EPS8L2: variants seen among roughly 807,000 people sequenced by gnomAD.
EPS8L2 encodes the protein EPS8 signaling adaptor L2, also known as epidermal growth factor receptor kinase substrate 8-like protein 2.
EPS8L2 carries 81 observed loss-of-function variants against 99.4 expected under a neutral mutation model. The ratio of observed to expected loss-of-function variants is 0.82; its 90% CI spans 0.68 to 0.98. The LOEUF is 0.98. Among genes scored for constraint, EPS8L2 ranks in the 50% least tolerant of loss-of-function variants. EPS8L2 has a pLI of 0.00. For missense variants in EPS8L2, 1,155 were observed against 968.8 expected, an observed-to-expected ratio of 1.19 and a Z score of -2.55; for synonymous variants, 509 against 407.3, an observed-to-expected ratio of 1.25 and a Z score of -3.01.
At chr11:721,878 G>T in intron 10 of EPS8L2, 25 bp from the exon 11 acceptor site, 2 of 1,568,154 alleles carry the variant, frequency 1.3e-6, no homozygotes, top group Admixed American at 1.9e-5. Flanking sequence ...GGCCAGCCTG[G>T]CTCACGCGGT....
intron 4 of EPS8L2, among the ~76,000 whole-genome samples, chr11:716,521 T>C (rs1372820400): frequency 1.3e-5 from 2 of 152,150 alleles, no homozygotes; most frequent in Non-Finnish European, 2.9e-5. Flanking sequence ...CCTCCCAAAG[T>C]GCTGGGATTA....
intron 4 of EPS8L2, among the ~76,000 whole-genome samples, chr11:710,697 C>A (rs1861863891): frequency 6.6e-6 from 1 of 152,222 alleles, no homozygotes; most frequent in Non-Finnish European, 1.5e-5. Flanking sequence ...CCACTGCACT[C>A]CAGCCTGGGC....
Position 724,858 on chromosome 11 carries a change from G to A in EPS8L2, c.1560+29G>A, listed in dbSNP as rs750194169. The A allele has an allele frequency of 6.5e-7, 1 of 1,530,872 alleles. No individual in the cohort carries two copies. The highest frequency in any genetic ancestry group is 9.0e-7 in the Non-Finnish European group (1 of 1,106,178). The allele number at this position is 1,530,872 out of a possible 1,614,324, so 94.8% of individuals were successfully genotyped here. The stretch of plus-strand genomic sequence containing the variant: ...AGGGGCTGGAGGACGGGGTCCAAGA[G>A]GGGGAAACAGGGCAGGGCTTCAAGG... On this transcript the variant is annotated intron_variant, in intron 16 of 20. Transcript: ENST00000318562. This position sits in a 1 kb window ranked among gnomAD's most constrained non-coding sequence, Gnocchi z 5.5.
At position 723,232 on chromosome 11, in the gene EPS8L2, TC is replaced by T; in HGVS notation, c.1342-5del. 1 of 1,573,272 alleles carries T rather than the reference TC, an allele frequency of 6.4e-7. No homozygotes were observed. The highest frequency in any genetic ancestry group is 8.6e-7 in the Non-Finnish European group (1 of 1,156,570). On this transcript the variant is annotated splice_polypyrimidine_tract_variant and splice_region_variant and intron_variant, in intron 14 of 20. Transcript: ENST00000318562. ...CATGTCTAACTCAGGTCGCCCACCT[TC>T]CCCACAGGTGAGTCCAGTGAGCCGA...
Position 720,833 on chromosome 11 carries a change from G to A in EPS8L2, c.481G>A (p.Glu161Lys). 3.2e-6 allele frequency: 5 copies of A among 1,543,002 alleles called. No homozygotes were observed. The highest frequency in any genetic ancestry group is 4.4e-6 in the Non-Finnish European group (5 of 1,146,294). ...HFFHCDEVEA[E>K]LVHEDIESAL... ...CGCCTGACGCCCGCTTTCCCAGGCA[G>A]AGCTGGTGCACGAGGACATCGAGAG... is the stretch of plus-strand genomic sequence containing the variant. The change falls in exon 7 of 21, where the codon GAG becomes AAG. Residue 161 changes from glutamate to lysine, a missense_variant. Transcript: ENST00000318562.
chr11:709,918 C>G, intron 3 of EPS8L2: 1 of 486,938 alleles, frequency 2.1e-6, no homozygotes. Context: ...GGTGTCTGCT[C>G]CAGGAGGGGG....
chr11:706,315 C>T (rs1259699116), intron 1 of EPS8L2, 27 bp downstream of exon 1: 1 of 152,044 alleles, frequency 6.6e-6, no homozygotes, highest in Non-Finnish European at 1.5e-5. Flanking sequence ...CGGGGGAGCG[C>T]GCCCGCCCGG....
intron 4 of EPS8L2, among the ~76,000 whole-genome samples, chr11:711,906 C>G (rs1278061617): frequency 5.3e-5 from 8 of 151,990 alleles, no homozygotes; most frequent in African/African-American, 1.9e-4. Context: ...TCACTGGAAC[C>G]CAGGAGGCGG....
Position 713,394 on chromosome 11 carries a change from G to T in EPS8L2, c.165+2908G>T, listed in dbSNP as rs145975494. On this transcript the variant is annotated intron_variant, in intron 4 of 20. Transcript: ENST00000318562. ...ATCACCACAGTTTCTGTTTGTTTGT[G>T]TGTTTGAGACGGAGTCTCGCTCTGT... Among the ~76,000 whole-genome samples, 624 of 152,270 alleles carry T rather than the reference G, an allele frequency of 4.1e-3. 3 individuals carry two copies. Among genetic ancestry groups the T allele is most frequent in the African/African-American group, 0.014 (574 of 41,552 alleles).
At chr11:709,668 G>A in intron 3 of EPS8L2, 60 bp downstream of exon 3, 1 of 1,575,896 alleles carries the variant, frequency 6.3e-7, no homozygotes, top group Non-Finnish European at 8.6e-7. Flanking sequence ...CTGCATCCAG[G>A]TGGGGGACAG....
At chr11:722,256 C>T in intron 12 of EPS8L2, 91 bp downstream of exon 12, 1 of 1,544,248 alleles carries the variant, frequency 6.5e-7, no homozygotes, top group East Asian at 2.3e-5. Flanking sequence ...GCAGCAGGTG[C>T]CCGCCTTGGG....
chr11:715,106 A>G (rs547571444), intron 4 of EPS8L2, among the ~76,000 whole-genome samples: 16 of 152,056 alleles, frequency 1.1e-4, no homozygotes, highest in East Asian at 2.0e-4. Context: ...GCCAGGTGGG[A>G]TGGCGGGTGC....
intron 4 of EPS8L2, among the ~76,000 whole-genome samples, chr11:719,794 A>T (rs1438448302): frequency 6.6e-6 from 1 of 152,144 alleles, no homozygotes; most frequent in Non-Finnish European, 1.5e-5. Context: ...AGCCTGCACC[A>T]GGAGGTGGGC....
rs1022643706 is a variant in EPS8L2, at chr11:720,631, A to G, written c.362A>G (p.Gln121Arg). Residue 121 changes from glutamine (Q) to arginine (R), a missense_variant, in exon 6 of 21, where the codon CAG (glutamine) becomes CGG (arginine). Transcript: ENST00000318562. ...GAAGACTTCCCGCTGCCCACGGTGC[A>G]GCGCAGCCAGACGGTCCTCAACCAG... ...ELEDFPLPTV[Q>R]RSQTVLNQLR... 1.9e-6 allele frequency: 3 copies of G among 1,599,874 alleles called. No homozygotes were observed. The highest frequency in any genetic ancestry group is 2.7e-5 in the African/African-American group (2 of 74,968).
In EPS8L2 at chr11:724,834, G is replaced by A. The variant is rs377320822; in HGVS notation, c.1560+5G>A. On this transcript the variant is annotated splice_donor_5th_base_variant and intron_variant, in intron 16 of 20. Coordinates refer to ENST00000318562, the MANE Select transcript of EPS8L2 (RefSeq NM_022772.4). This position sits in a 1 kb window ranked among gnomAD's most constrained non-coding sequence, Gnocchi z 5.5. ...CTCAAGGATGAGGTCCTAGAGGTGA[G>A]GGGCTGGAGGACGGGGTCCAAGAGG... is the stretch of plus-strand genomic sequence containing the variant. 14 of 1,603,020 alleles carry A rather than the reference G, an allele frequency of 8.7e-6. No individual in the cohort carries two copies. Among genetic ancestry groups the A allele is most frequent in the African/African-American group, 1.3e-5 (1 of 74,734 alleles).
Position 726,289 on chromosome 11 carries a change from C to G in EPS8L2, c.1754-15C>G. The stretch of plus-strand genomic sequence containing the variant: ...GGGCAAGGCAGCGGCGGGCCTGAGT[C>G]GCGCGCCCCCTCAGAGCTCATGCAG... On this transcript the variant is annotated splice_polypyrimidine_tract_variant and intron_variant, in intron 18 of 20. Coordinates refer to ENST00000318562, the MANE Select transcript of EPS8L2 (RefSeq NM_022772.4). The G allele has an allele frequency of 6.3e-7, 1 of 1,594,730 alleles. No homozygotes were observed. Among genetic ancestry groups the G allele is most frequent in the Non-Finnish European group, 8.5e-7 (1 of 1,171,292 alleles).
chr11:713,838 G>A (rs1861949291), intron 4 of EPS8L2, among the ~76,000 whole-genome samples: 1 of 152,094 alleles, frequency 6.6e-6, no homozygotes, highest in Non-Finnish European at 1.5e-5. Context: ...GAGCCACCGT[G>A]CCTGGCCTAA....
intron 7 of EPS8L2, 25 bp downstream of exon 7, chr11:720,934 C>CCCG: frequency 3.8e-6 from 3 of 784,458 alleles, no homozygotes; most frequent in South Asian, 2.0e-5. Context: ...GGAGCGGGGT[C>CCCG]GCAGGGGGCG....
chr11:720,773 TGGGGCCCCGCC>T, intron 6 of EPS8L2, 27 bp downstream of exon 6: 1 of 1,173,192 alleles, frequency 8.5e-7, no homozygotes, highest in Middle Eastern at 3.1e-4. Flanking sequence ...CGGGGCAGGG[TGGGGCCCCGCC>T]GCGCCGCGCC....
Sources: allele counts gnomAD v4.1 joint callset (sites outside exome capture counted in the v4.1 genomes callset), GRCh38; gene constraint gnomAD v4.1.1; non-coding constraint Gnocchi (gnomAD v3.1); transcripts MANE v1.5; gene names NCBI Gene and HGNC (gene_info 2026-07-23, HGNC 2026-07-21).